PICK1: variants seen among roughly 807,000 people sequenced by gnomAD.
PICK1 encodes PRKCA-binding protein.
Under a neutral mutation model 48.9 loss-of-function variants are expected in PICK1, and 23 were observed. The observed-to-expected ratio is 0.47, with a 90% CI of 0.34 to 0.67. PICK1 has a LOEUF of 0.67. Among genes scored for constraint, PICK1 ranks in the 30% least tolerant of loss-of-function variants. The pLI is 0.01. For synonymous variants in PICK1, 217 were observed against 228.2 expected (o/e 0.95, Z 0.44); for missense variants, 423 against 557.1 (o/e 0.76, Z 2.42).
rs1206219342 is a variant in PICK1 at position 38,074,576 on chromosome 22, G to A, written c.979+125G>A. ...AGCCCCTCCAGGAGCCCAGCCATCT[G>A]CCCAGAGCCTGGCCTGGGTGGAGCT... On this transcript the variant is annotated intron_variant, in intron 12 of 12. Transcript: ENST00000356976. This position sits in a 1 kb window ranked among gnomAD's most constrained non-coding sequence, Gnocchi z 4.5. The A allele has an allele frequency of 2.2e-6, 3 of 1,357,786 alleles. No homozygotes were observed. The highest frequency in any genetic ancestry group is 2.9e-5 in the African/African-American group (2 of 69,284). 84.1% of individuals were successfully genotyped at this position (1,357,786 alleles called of 1,614,324 possible).
intron 8 of PICK1, among the ~76,000 whole-genome samples, 179 bp from the exon 9 acceptor site, chr22:38,072,298 C>T (rs746520800): frequency 5.9e-5 from 9 of 152,164 alleles, no homozygotes; most frequent in Non-Finnish European, 7.4e-5. Context: ...ATCCAGTTTC[C>T]TCCAGGTGTA....
chr22:38,059,445 C>A, intron 3 of PICK1, 100 bp downstream of exon 3: 1 of 854,896 alleles, frequency 1.2e-6, no homozygotes, highest in Non-Finnish European at 2.0e-6. Context: ...CCTTCTCATT[C>A]TTGAGGTCTG....
In PICK1 at chr22:38,059,231, T is replaced by C; in HGVS notation, c.42-3T>C. On this transcript the variant is annotated splice_polypyrimidine_tract_variant and splice_region_variant and intron_variant, in intron 2 of 12. Coordinates refer to ENST00000356976, the MANE Select transcript of PICK1 (RefSeq NM_012407.4). ...AGTCAGCCTAGCTTGCTTTCCTTTC[T>C]AGCGGAATCCCGACTGTGCCTGGGA... The C allele has an allele frequency of 6.4e-7, 1 of 1,569,088 alleles. No homozygotes were observed. The highest frequency in any genetic ancestry group is 8.7e-7 in the Non-Finnish European group (1 of 1,155,914).
At chr22:38,072,171 C>T (rs1411317435) in intron 8 of PICK1, among the ~76,000 whole-genome samples, 1 of 152,190 alleles carries the variant, frequency 6.6e-6, no homozygotes, top group Non-Finnish European at 1.5e-5. Context: ...GGCGGCGCCA[C>T]CTCCACAAAC....
chr22:38,067,660 G>A (rs1034490894), intron 4 of PICK1, 44 bp from the exon 5 acceptor site: 8 of 1,555,706 alleles, frequency 5.1e-6, no homozygotes, highest in Non-Finnish European at 6.2e-6. Context: ...AGGGGCTCAG[G>A]GTGTGGAGCC....
In PICK1 at chr22:38,075,149, G is replaced by C. The variant is rs1396761918; in HGVS notation, c.*17G>C. 1 of 1,603,512 alleles carries C rather than the reference G, an allele frequency of 6.2e-7. No individual in the cohort carries two copies. Among genetic ancestry groups the C allele is most frequent in the Non-Finnish European group, 8.5e-7 (1 of 1,174,800 alleles). On this transcript the variant is annotated 3_prime_UTR_variant, in exon 13 of 13. Coordinates refer to ENST00000356976, the MANE Select transcript of PICK1 (RefSeq NM_012407.4). ...GACTCCTGAGTGCCCCGCGGCTGTG[G>C]TGCCGGGGGCAGGGTGCGTGGGAGG...
chr22:38,074,714 C>A lies in PICK1; in HGVS notation c.980-150C>A. ...CCCCGGGCTGGGCGGCCCCTGCCTCCGCCCCTTGCCAGGTCATGAGGGGTC... is the reference window on the plus strand; with the variant it reads ...CCCCGGGCTGGGCGGCCCCTGCCTCAGCCCCTTGCCAGGTCATGAGGGGTC... On this transcript the variant is annotated intron_variant, in intron 12 of 12. Coordinates refer to ENST00000356976, the MANE Select transcript of PICK1 (RefSeq NM_012407.4). The surrounding 1 kb of genome is among the most constrained non-coding windows in gnomAD (Gnocchi z 4.5). The A allele has an allele frequency of 1.8e-6, 2 of 1,125,492 alleles. No homozygotes were observed. Among genetic ancestry groups the A allele is most frequent in the Non-Finnish European group, 2.5e-6 (2 of 789,416 alleles). 69.7% of individuals were successfully genotyped at this position (1,125,492 alleles called of 1,614,324 possible).
At chr22:38,057,612 C>G (rs529256288) in intron 1 of PICK1, 25 bp downstream of exon 1, 14 of 602,662 alleles carry the variant, frequency 2.3e-5, no homozygotes, top group East Asian at 2.8e-5. Context: ...CCCAGCCCCC[C>G]ACCCGGAGAC....
In PICK1 at chr22:38,066,283, A is replaced by C. The variant is rs1285671407; in HGVS notation, c.282+1153A>C. On this transcript the variant is annotated intron_variant, in intron 4 of 12. Coordinates refer to ENST00000356976, the MANE Select transcript of PICK1 (RefSeq NM_012407.4). This position sits in a 1 kb window ranked among gnomAD's most constrained non-coding sequence, Gnocchi z 4.1. ...AGGAGCTGATCATGGGAACAGGTGC[A>C]GGGGGTCTCGTTCTGGCCGAGTTGG... 6.6e-6 allele frequency among the ~76,000 whole-genome samples: 1 copy of C among 152,180 alleles called. No homozygotes were observed. Among genetic ancestry groups the C allele is most frequent in the Admixed American group, 6.5e-5 (1 of 15,280 alleles).
rs757176545 is a variant in PICK1, at chr22:38,065,034, C to A, written c.186C>A (p.Gly62=). The A allele has an allele frequency of 6.2e-7, 1 of 1,614,116 alleles. No individual in the cohort carries two copies. The highest frequency in any genetic ancestry group is 8.5e-7 in the Non-Finnish European group (1 of 1,179,992). The change falls in exon 4 of 13, where the codon GGC becomes GGA. Residue 62 remains glycine, a synonymous_variant. Coordinates refer to ENST00000356976, the MANE Select transcript of PICK1 (RefSeq NM_012407.4). ...ACAACACCCCAGCAGCCTTGGACGG[C>A]ACAGTGGCAGCTGGCGATGAGATCA... The part of the protein sequence containing the change: ...VFDNTPAALD[G]TVAAGDEITG...
chr22:38,063,247 C>T (rs2085448762), intron 3 of PICK1, among the ~76,000 whole-genome samples: 1 of 151,910 alleles, frequency 6.6e-6, no homozygotes, highest in Non-Finnish European at 1.5e-5. Context: ...GCCTCAACCT[C>T]CTGGGCTCAA....
At chr22:38,068,572 T>C (rs1048717700) in intron 5 of PICK1, among the ~76,000 whole-genome samples, 1 of 152,160 alleles carries the variant, frequency 6.6e-6, no homozygotes, top group Non-Finnish European at 1.5e-5. Context: ...ACTAAGCTGG[T>C]CAGATGCAGT....
chr22:38,071,715 C>T lies in PICK1; in HGVS notation c.527C>T (p.Ala176Val), dbSNP rs985113091. The T allele has an allele frequency of 1.2e-6, 2 of 1,613,608 alleles. No homozygotes were observed. Among genetic ancestry groups the T allele is most frequent in the Non-Finnish European group, 1.7e-6 (2 of 1,179,924 alleles). Residue 176 changes from alanine to valine, a missense_variant, in exon 8 of 13, where the codon GCC (alanine) becomes GTC (valine). By Grantham distance (64) the Ala-to-Val change is moderately conservative (BLOSUM62 0). Coordinates refer to ENST00000356976, the MANE Select transcript of PICK1 (RefSeq NM_012407.4). ...MTEHTKNLLR[A>V]FYELSQTHRA... The stretch of plus-strand genomic sequence containing the variant: ...GAACACACCAAGAACCTCCTACGGG[C>T]CTTTTATGAGCTGTCGCAGACTCAC...
In PICK1 at chr22:38,073,930, C is replaced by T; in HGVS notation, c.834+107C>T. 1.8e-6 allele frequency: 2 copies of T among 1,142,652 alleles called. No homozygotes were observed. Among genetic ancestry groups the T allele is most frequent in the Non-Finnish European group, 2.6e-6 (2 of 758,816 alleles). The allele number at this position is 1,142,652 out of a possible 1,614,324, so 70.8% of individuals were successfully genotyped here. ...GAGAGACCGGGGGGACTTGGCTGGA[C>T]TCTCGTTCCTGGAGATTTAGGGCCA... On this transcript the variant is annotated intron_variant, in intron 11 of 12. Transcript: ENST00000356976. The surrounding 1 kb of genome is among the most constrained non-coding windows in gnomAD (Gnocchi z 5.7).
chr22:38,061,713 G>T (rs986361392), intron 3 of PICK1, among the ~76,000 whole-genome samples: 1 of 152,096 alleles, frequency 6.6e-6, no homozygotes, highest in Non-Finnish European at 1.5e-5. Flanking sequence ...TAGAGACGGT[G>T]TTTTGCCATG....
chr22:38,057,610 C>T lies in PICK1; in HGVS notation c.-58+23C>T, dbSNP rs2085301586. On this transcript the variant is annotated intron_variant, in intron 1 of 12. Coordinates refer to ENST00000356976, the MANE Select transcript of PICK1 (RefSeq NM_012407.4). ...CTAGTAAGAATCACCTACCCAGCCC[C>T]CCACCCGGAGACTGTCCCATCCCAC... 5.0e-6 allele frequency: 3 copies of T among 604,762 alleles called. No homozygotes were observed. The South Asian group carries it at 5.7e-5, about 11-fold the overall frequency. The allele number at this position is 604,762 out of a possible 1,614,324, so 37.5% of individuals were successfully genotyped here.
In PICK1 at chr22:38,069,086, G is replaced by C. The variant is rs751138380; in HGVS notation, c.403G>C (p.Asp135His). 1.9e-6 allele frequency: 3 copies of C among 1,612,900 alleles called. No homozygotes were observed. The highest frequency in any genetic ancestry group is 2.5e-6 in the Non-Finnish European group (3 of 1,179,600). ...LVENMSSGTA[D>H]ALGLSRAILC... ...GGAGAACATGAGTTCAGGGACCGCA[G>C]ATGCTCTGGGCCTGAGCCGGGCCAT... is the stretch of plus-strand genomic sequence containing the variant. The change falls in exon 6 of 13, where the codon GAT (aspartate) becomes CAT (histidine). Residue 135 changes from aspartate (D) to histidine (H), a missense_variant. Physicochemically the swap from Asp to His is moderately conservative, Grantham distance 81. This residue lies in a region of PICK1 where 279 missense variants were observed against 417.8 expected (regional missense o/e 0.67). Transcript: ENST00000356976.
At chr22:38,068,395 G>GGTCT (rs1569200525) in intron 5 of PICK1, among the ~76,000 whole-genome samples, 2 of 152,166 alleles carry the variant, frequency 1.3e-5, no homozygotes, top group African/African-American at 4.8e-5. Flanking sequence ...CAGAGAGGGC[G>GGTCT]CTGCAGCCCC....
chr22:38,061,666 G>A (rs534212144), intron 3 of PICK1, among the ~76,000 whole-genome samples: 1 of 152,218 alleles, frequency 6.6e-6, no homozygotes, highest in South Asian at 2.1e-4. Context: ...TTACAGGCAC[G>A]TGCCACCAAA....
Sources: gnomAD v4.1 joint callset for allele counts (sites outside exome capture counted in the v4.1 genomes callset) on GRCh38, gnomAD v4.1.1 for gene constraint, gnomAD v4.1.1 regional missense constraint, Gnocchi (gnomAD v3.1) non-coding constraint, MANE v1.5 for transcripts, NCBI Gene and HGNC (gene_info 2026-07-23, HGNC 2026-07-21) for gene names.